Variants in ITGA9 observed in about 807,000 individuals in gnomAD.
ITGA9 encodes integrin alpha-9.
In ITGA9, 56 loss-of-function variants were observed where a neutral mutation model predicts 127.8. The observed-to-expected ratio is 0.44, with a 90% CI of 0.35 to 0.55. The LOEUF is 0.55. ITGA9 is among the 20% of genes least tolerant of loss of function. The probability of loss-of-function intolerance (pLI) is 0.00; values close to 1 mark genes in which losing one functional copy is unlikely to be tolerated. For missense variants in ITGA9, 1,196 were observed against 1,347.1 expected, an observed-to-expected ratio of 0.89 and a Z score of 1.76; for synonymous variants, 508 against 514.5, an observed-to-expected ratio of 0.99 and a Z score of 0.17.
intron 15 of ITGA9, among the ~76,000 whole-genome samples, chr3:37,621,559 C>T (rs544479684): frequency 6.6e-6 from 1 of 152,298 alleles, no homozygotes; most frequent in South Asian, 2.1e-4. Flanking sequence ...CAGTTAACAC[C>T]CCAGCCCCCG....
chr3:37,517,649 C>T (rs1699000015), intron 10 of ITGA9, 40 bp downstream of exon 10: 1 of 1,394,324 alleles, frequency 7.2e-7, no homozygotes, highest in East Asian at 2.5e-5. Flanking sequence ...CCTCCAGGTG[C>T]AGCACGCTGC....
intron 11 of ITGA9, 39 bp downstream of exon 11, chr3:37,519,393 T>C: frequency 6.7e-7 from 1 of 1,489,634 alleles, no homozygotes; most frequent in Non-Finnish European, 9.4e-7. Context: ...TGTTCATACA[T>C]TCATTCAGCA....
At chr3:37,751,994 A>G (rs763235413) in intron 23 of ITGA9, among the ~76,000 whole-genome samples, 2 of 152,208 alleles carry the variant, frequency 1.3e-5, no homozygotes, top group Admixed American at 6.5e-5. Context: ...CTGTGTTCTT[A>G]TAAACGATCA....
chr3:37,694,005 G>T (rs1163369373), intron 18 of ITGA9, among the ~76,000 whole-genome samples: 5 of 152,240 alleles, frequency 3.3e-5, no homozygotes, highest in Admixed American at 1.3e-4. Flanking sequence ...AGCCCTGAGG[G>T]TGGATGCCGA....
At chr3:37,775,377 G>T (rs1351699461) in intron 23 of ITGA9, among the ~76,000 whole-genome samples, 1 of 152,186 alleles carries the variant, frequency 6.6e-6, no homozygotes, top group African/African-American at 2.4e-5. Flanking sequence ...TGGTGCGGTG[G>T]CTCATGCCTG....
At chr3:37,690,411 T>A (rs1293074148) in intron 18 of ITGA9, among the ~76,000 whole-genome samples, 1 of 152,040 alleles carries the variant, frequency 6.6e-6, no homozygotes, top group Non-Finnish European at 1.5e-5. Context: ...TTCTAAGAAA[T>A]CTCCCCTCCC....
intron 1 of ITGA9, among the ~76,000 whole-genome samples, chr3:37,463,982 C>CT (rs1698343422): frequency 6.6e-6 from 1 of 152,076 alleles, no homozygotes; most frequent in South Asian, 2.1e-4. Flanking sequence ...AAAACAAAGG[C>CT]TTTTAAAGGA....
At chr3:37,466,139 CTGGTTGCCCTAATT>C (rs1698367852) in intron 1 of ITGA9, among the ~76,000 whole-genome samples, 4 of 152,088 alleles carry the variant, frequency 2.6e-5, no homozygotes, top group African/African-American at 4.8e-5. Context: ...CTGCTACATG[CTGGTTGCCCTAATT>C]AGAAGTTTAG....
At position 37,629,080 on chromosome 3, in the gene ITGA9, A is replaced by AGGATTAT. The variant is rs2125635291; in HGVS notation, c.1690-106_1690-100dup. On this transcript the variant is annotated intron_variant, in intron 15 of 27. Coordinates refer to ENST00000264741, the MANE Select transcript of ITGA9 (RefSeq NM_002207.3). This position sits in a 1 kb window ranked among gnomAD's most constrained non-coding sequence, Gnocchi z 4.5. ...ACCCTACCTCACGAGGGTGATTGTG[A>AGGATTAT]GGATTATATGAGGCAATTCATGTAG... is the stretch of plus-strand genomic sequence containing the variant. 1 of 1,298,276 alleles carries AGGATTAT rather than the reference A, an allele frequency of 7.7e-7. No individual in the cohort carries two copies. The highest frequency in any genetic ancestry group is 2.3e-5 in the East Asian group (1 of 43,122). 80.4% of individuals were successfully genotyped at this position (1,298,276 alleles called of 1,614,324 possible).
chr3:37,666,021 G>A (rs542894454), intron 17 of ITGA9, among the ~76,000 whole-genome samples: 17 of 152,362 alleles, frequency 1.1e-4, no homozygotes, highest in African/African-American at 3.8e-4. Flanking sequence ...TTTGACAAAT[G>A]TGGATGGAGC....
At chr3:37,472,472 C>T (rs1388310179) in intron 2 of ITGA9, among the ~76,000 whole-genome samples, 1 of 152,156 alleles carries the variant, frequency 6.6e-6, no homozygotes, top group Non-Finnish European at 1.5e-5. Context: ...AATCTCTGCT[C>T]ACTGCAACCT....
chr3:37,782,455 A>G (rs934484515), intron 25 of ITGA9, among the ~76,000 whole-genome samples: 2 of 139,692 alleles, frequency 1.4e-5, no homozygotes, highest in African/African-American at 4.9e-5. Context: ...AGGCCAGTAG[A>G]GCCGCAGGCA....
chr3:37,537,487 T>C (rs1394546582), intron 14 of ITGA9, among the ~76,000 whole-genome samples: 1 of 152,192 alleles, frequency 6.6e-6, no homozygotes, highest in Non-Finnish European at 1.5e-5. Flanking sequence ...GGACAACAGC[T>C]TCATAAACCA....
Position 37,738,734 on chromosome 3 carries a change from C to T in ITGA9, c.2234+1751C>T, listed in dbSNP as rs374864286. On this transcript the variant is annotated intron_variant, in intron 20 of 27. Transcript: ENST00000264741. ...AATGTGCTCTCTTGGTCCTTCCACACCTGAGGCAGCCTGTATGCCTGGGAA... is the reference window on the plus strand; with the variant it reads ...AATGTGCTCTCTTGGTCCTTCCACATCTGAGGCAGCCTGTATGCCTGGGAA... Among the ~76,000 whole-genome samples, 15 of 152,304 alleles carry T rather than the reference C, an allele frequency of 9.8e-5. No individual in the cohort carries two copies. In the South Asian group the frequency reaches 2.9e-3, roughly 29 times the overall value.
At chr3:37,655,018 G>T (rs895574715) in intron 17 of ITGA9, among the ~76,000 whole-genome samples, 1 of 152,162 alleles carries the variant, frequency 6.6e-6, no homozygotes, top group Non-Finnish European at 1.5e-5. Context: ...CAAAGGACAT[G>T]AACTCATCCT....
chr3:37,811,984 G>T (rs1252339738), intron 27 of ITGA9, among the ~76,000 whole-genome samples: 1 of 152,238 alleles, frequency 6.6e-6, no homozygotes, highest in South Asian at 2.1e-4. Flanking sequence ...AAACAAATCT[G>T]TGAAATGGCT....
chr3:37,742,229 C>T (rs1008888639), intron 21 of ITGA9, among the ~76,000 whole-genome samples: 1 of 152,194 alleles, frequency 6.6e-6, no homozygotes, highest in African/African-American at 2.4e-5. Context: ...GATGTGTCTC[C>T]AGTCCTGGCT....
At chr3:37,709,809 C>T (rs761250476) in intron 18 of ITGA9, among the ~76,000 whole-genome samples, 1 of 152,176 alleles carries the variant, frequency 6.6e-6, no homozygotes, top group African/African-American at 2.4e-5. Context: ...TTGGAAAGTC[C>T]GGAGTAGACA....
At chr3:37,706,998 A>G (rs879005592) in intron 18 of ITGA9, among the ~76,000 whole-genome samples, 1 of 152,204 alleles carries the variant, frequency 6.6e-6, no homozygotes, top group Admixed American at 6.5e-5. Flanking sequence ...CTTTCTGATC[A>G]CTGTTCTTGA....
Sources: allele counts gnomAD v4.1 joint callset (sites outside exome capture counted in the v4.1 genomes callset), GRCh38; gene constraint gnomAD v4.1.1; non-coding constraint Gnocchi (gnomAD v3.1); transcripts MANE v1.5; gene names NCBI Gene and HGNC (gene_info 2026-07-23, HGNC 2026-07-21).